Variants in MINDY4 observed in about 807,000 individuals in gnomAD.
MINDY4 encodes the protein probable ubiquitin carboxyl-terminal hydrolase MINDY-4.
A neutral mutation model predicts 87.0 loss-of-function variants in MINDY4; 68 were observed. The ratio of observed to expected loss-of-function variants is 0.78; its 90% CI spans 0.64 to 0.96. The LOEUF is 0.96. Ranked by LOEUF, MINDY4 falls within the 40% of genes least tolerant of loss-of-function variation. The probability of loss-of-function intolerance (pLI) is 0.00; values close to 1 mark genes in which losing one functional copy is unlikely to be tolerated. For missense variants in MINDY4, 919 were observed against 928.2 expected, an observed-to-expected ratio of 0.99 and a Z score of 0.13; for synonymous variants, 379 against 363.2, an observed-to-expected ratio of 1.04 and a Z score of -0.50.
At chr7:30,813,752 A>T (rs1042422545) in intron 5 of MINDY4, among the ~76,000 whole-genome samples, 2 of 152,190 alleles carry the variant, frequency 1.3e-5, no homozygotes, top group Non-Finnish European at 2.9e-5. Context: ...CTCTGGTTTT[A>T]TGTGTATGAG....
intron 5 of MINDY4, among the ~76,000 whole-genome samples, chr7:30,804,478 T>A (rs935779894): frequency 6.6e-6 from 1 of 152,178 alleles, no homozygotes; most frequent in African/African-American, 2.4e-5. Flanking sequence ...AGAGAAATGC[T>A]GAAGATGAGG....
chr7:30,787,493 T>C lies in MINDY4; in HGVS notation c.663+1501T>C, dbSNP rs373380925. On this transcript the variant is annotated intron_variant, in intron 4 of 17. Transcript: ENST00000265299. The stretch of plus-strand genomic sequence containing the variant: ...CATGTGAGATAAACTCTATTTGCAA[T>C]CTTGAGCTTAGTCTGTAAGCCTCCT... Among the ~76,000 whole-genome samples the C allele has an allele frequency of 2.6e-5, 4 of 152,372 alleles. No individual in the cohort carries two copies. The East Asian group carries it at 7.7e-4, about 29-fold the overall frequency.
intron 6 of MINDY4, among the ~76,000 whole-genome samples, chr7:30,834,122 A>T (rs976898505): frequency 1.3e-5 from 2 of 152,220 alleles, no homozygotes; most frequent in African/African-American, 4.8e-5. Flanking sequence ...GTGCCCCCGT[A>T]GGGATTCTTT....
intron 16 of MINDY4, 79 bp from the exon 17 acceptor site, chr7:30,882,842 C>T: frequency 7.6e-7 from 1 of 1,319,330 alleles, no homozygotes; most frequent in Non-Finnish European, 1.1e-6. Flanking sequence ...GGGGGCGGGT[C>T]TCGGGAGTGG....
intron 9 of MINDY4, among the ~76,000 whole-genome samples, chr7:30,847,096 G>A (rs1185880728): frequency 6.6e-6 from 1 of 152,198 alleles, no homozygotes; most frequent in Non-Finnish European, 1.5e-5. Flanking sequence ...TGCATTTGTA[G>A]GTGGGCAGGG....
At position 30,796,310 on chromosome 7, in the gene MINDY4, A is replaced by G. The variant is rs1787487652; in HGVS notation, c.1073+4736A>G. The stretch of plus-strand genomic sequence containing the variant: ...GGAAACCCACAGCCATGCCATCCCC[A>G]GAAGCAGCAGGCTTAGGTGAGGGGA... On this transcript the variant is annotated intron_variant, in intron 5 of 17. Transcript: ENST00000265299. Among the ~76,000 whole-genome samples the G allele has an allele frequency of 1.3e-5, 2 of 152,106 alleles. 1 individual carries two copies.
At chr7:30,834,905 A>G (rs949974042) in intron 6 of MINDY4, among the ~76,000 whole-genome samples, 1 of 152,160 alleles carries the variant, frequency 6.6e-6, no homozygotes, top group Non-Finnish European at 1.5e-5. Context: ...CCCCCTCTCC[A>G]TCTGAGACCT....
intron 15 of MINDY4, among the ~76,000 whole-genome samples, chr7:30,876,386 G>C (rs1243406461): frequency 6.6e-6 from 1 of 152,138 alleles, no homozygotes; most frequent in African/African-American, 2.4e-5. Flanking sequence ...GTGTCCAAAT[G>C]CAGTCACATT....
intron 5 of MINDY4, among the ~76,000 whole-genome samples, chr7:30,810,400 G>A (rs1389281498): frequency 2.0e-5 from 3 of 150,884 alleles, no homozygotes; most frequent in Admixed American, 6.6e-5. Flanking sequence ...TATACCTTTG[G>A]TAAAAGGATT....
At chr7:30,809,642 C>T (rs1384749672) in intron 5 of MINDY4, among the ~76,000 whole-genome samples, 3 of 151,484 alleles carry the variant, frequency 2.0e-5, no homozygotes, top group African/African-American at 7.3e-5. Context: ...CCCAAACTTA[C>T]AAGTGTTTCA....
At chr7:30,832,113 T>C (rs544392895) in intron 6 of MINDY4, among the ~76,000 whole-genome samples, 1 of 152,198 alleles carries the variant, frequency 6.6e-6, no homozygotes, top group African/African-American at 2.4e-5. Flanking sequence ...GGAGTTTGCC[T>C]TTTCCAAGGG....
At chr7:30,840,267 G>T (rs951310928) in intron 8 of MINDY4, among the ~76,000 whole-genome samples, 2 of 152,214 alleles carry the variant, frequency 1.3e-5, no homozygotes, top group African/African-American at 2.4e-5. Context: ...CTAATGTGGT[G>T]CTGAAGCAGG....
chr7:30,869,279 C>G (rs77317196), intron 13 of MINDY4, among the ~76,000 whole-genome samples: 1 of 152,302 alleles, frequency 6.6e-6, no homozygotes, highest in East Asian at 1.9e-4. Flanking sequence ...GCTGCATGTT[C>G]TTGGAGATCC....
intron 5 of MINDY4, among the ~76,000 whole-genome samples, chr7:30,821,888 A>G (rs1368896467): frequency 6.6e-6 from 1 of 152,244 alleles, no homozygotes; most frequent in Non-Finnish European, 1.5e-5. Flanking sequence ...TCAAACCTGT[A>G]AAAAGCTTGA....
intron 5 of MINDY4, among the ~76,000 whole-genome samples, chr7:30,819,437 C>A (rs1788257305): frequency 6.6e-6 from 1 of 152,150 alleles, no homozygotes; most frequent in Non-Finnish European, 1.5e-5. Context: ...AATATTTATA[C>A]ATTTGTGCTT....
chr7:30,836,988 G>A (rs1251873091), intron 7 of MINDY4, among the ~76,000 whole-genome samples: 2 of 152,168 alleles, frequency 1.3e-5, no homozygotes, highest in Non-Finnish European at 1.5e-5. Context: ...GGTGAGGGAG[G>A]AGGTTATGTC....
intron 5 of MINDY4, among the ~76,000 whole-genome samples, chr7:30,815,210 C>G (rs1019596949): frequency 6.6e-6 from 1 of 152,232 alleles, no homozygotes; most frequent in Non-Finnish European, 1.5e-5. Context: ...TTCAGGCAGC[C>G]TGTCAGAACC....
At chr7:30,802,857 ACCAACCAAC>A (rs1302638004) in intron 5 of MINDY4, among the ~76,000 whole-genome samples, 2 of 151,888 alleles carry the variant, frequency 1.3e-5, no homozygotes, top group Non-Finnish European at 2.9e-5. Flanking sequence ...AACCAAACCA[ACCAACCAAC>A]CCAACCAACC....
intron 13 of MINDY4, among the ~76,000 whole-genome samples, chr7:30,866,171 C>T (rs1034598507): frequency 1.1e-4 from 16 of 152,236 alleles, no homozygotes; most frequent in African/African-American, 3.9e-4. Flanking sequence ...CACACCCAGG[C>T]CACTGAAGAG....
Sources: allele counts gnomAD v4.1 joint callset (sites outside exome capture counted in the v4.1 genomes callset), GRCh38; gene constraint gnomAD v4.1.1; transcripts MANE v1.5; gene names NCBI Gene and HGNC (gene_info 2026-07-23, HGNC 2026-07-21).